CUX1: variants seen among roughly 807,000 people sequenced by gnomAD.
CUX1 encodes the protein protein CASP.
In CUX1, 31 loss-of-function variants were observed where a neutral mutation model predicts 158.8. The ratio of observed to expected loss-of-function variants is 0.20; its 90% CI spans 0.15 to 0.26. CUX1 has a LOEUF of 0.26. CUX1 is among the 10% of genes least tolerant of loss of function. The probability of loss-of-function intolerance (pLI) is 1.00; values close to 1 mark genes in which losing one functional copy is unlikely to be tolerated. For synonymous variants in CUX1, 879 were observed against 862.1 expected (o/e 1.02, Z -0.34); for missense variants, 1,589 against 2,014.6 (o/e 0.79, Z 4.04).
intron 22 of CUX1, among the ~76,000 whole-genome samples, chr7:102,237,574 G>A (rs868963978): frequency 1.3e-5 from 2 of 152,266 alleles, no homozygotes; most frequent in African/African-American, 2.4e-5. Context: ...GAGCCACCAC[G>A]CCCGGCGATG....
intron 2 of CUX1, among the ~76,000 whole-genome samples, chr7:101,969,709 A>G (rs1161692002): frequency 6.6e-6 from 1 of 152,158 alleles, no homozygotes; most frequent in Non-Finnish European, 1.5e-5. Context: ...GATCAAAGAA[A>G]CCCAAACTCC....
intron 8 of CUX1, among the ~76,000 whole-genome samples, chr7:102,135,425 G>A (rs1253570520): frequency 6.6e-6 from 1 of 152,044 alleles, no homozygotes; most frequent in Non-Finnish European, 1.5e-5. Flanking sequence ...TGGTCTCGCT[G>A]TCTCGGGTGA....
At chr7:102,022,239 G>T (rs1251459944) in intron 2 of CUX1, among the ~76,000 whole-genome samples, 1 of 152,180 alleles carries the variant, frequency 6.6e-6, no homozygotes, top group African/African-American at 2.4e-5. Context: ...CCAGCAATTG[G>T]CATTACCTAG....
At chr7:102,227,156 G>T (rs1051302864) in intron 20 of CUX1, among the ~76,000 whole-genome samples, 1 of 151,796 alleles carries the variant, frequency 6.6e-6, no homozygotes, top group East Asian at 1.9e-4. Context: ...AGTTTTTCTC[G>T]CAATGATGTT....
In CUX1 at chr7:102,202,146, G is replaced by A. The variant is rs782184409; in HGVS notation, c.2849G>A (p.Arg950Gln). 8.1e-6 allele frequency: 13 copies of A among 1,613,320 alleles called. No individual in the cohort carries two copies. The highest frequency in any genetic ancestry group is 2.7e-5 in the African/African-American group (2 of 74,900). Residue 950 changes from arginine to glutamine, a missense_variant, in exon 18 of 24, where the codon CGG becomes CAG. Physicochemically the swap from Arg to Gln is conservative, Grantham distance 43 (BLOSUM62 1). Around this residue, in one of 8 missense-constraint regions of CUX1, gnomAD observed 29 missense variants for 66.6 expected, o/e 0.44. Coordinates refer to ENST00000292535, the MANE Select transcript of CUX1 (RefSeq NM_181552.4). ...GAGGTGGACACCATCGAGCTCACCC[G>A]GCAGGTTAAGGAAAAGCTGGCCAAG... ...YQEVDTIELT[R>Q]QVKEKLAKNG...
At chr7:102,098,077 G>T (rs2130914598) in intron 5 of CUX1, among the ~76,000 whole-genome samples, 2 of 152,334 alleles carry the variant, frequency 1.3e-5, no homozygotes, top group East Asian at 3.9e-4. Flanking sequence ...AAGAACAAAG[G>T]AATCTCTCCT....
intron 2 of CUX1, among the ~76,000 whole-genome samples, chr7:101,966,849 C>T (rs1811283202): frequency 6.6e-6 from 1 of 152,030 alleles, no homozygotes; most frequent in Non-Finnish European, 1.5e-5. Context: ...GCGGACCTGC[C>T]AGGGAAGCTC....
At chr7:102,213,904 G>C (rs1254067591) in intron 20 of CUX1, among the ~76,000 whole-genome samples, 1 of 151,960 alleles carries the variant, frequency 6.6e-6, no homozygotes, top group Non-Finnish European at 1.5e-5. Flanking sequence ...AGGCCAAGGC[G>C]GGTGGATCAC....
chr7:101,911,783 G>A (rs578026636), intron 1 of CUX1, among the ~76,000 whole-genome samples: 8 of 152,360 alleles, frequency 5.3e-5, no homozygotes, highest in Non-Finnish European at 8.8e-5. Context: ...AATAGTTGCC[G>A]TCCAGCGAGT....
intron 3 of CUX1, among the ~76,000 whole-genome samples, chr7:102,055,430 A>G (rs574073855): frequency 5.3e-4 from 81 of 152,258 alleles, no homozygotes; most frequent in African/African-American, 1.9e-3. Flanking sequence ...TCTTTGTCAC[A>G]CTTTGGTAAT....
At chr7:101,905,705 G>A (rs1347569545) in intron 1 of CUX1, among the ~76,000 whole-genome samples, 1 of 152,124 alleles carries the variant, frequency 6.6e-6, no homozygotes, top group Non-Finnish European at 1.5e-5. Context: ...TGTTCATTCG[G>A]CCCTAATCTC....
chr7:101,816,999 C>T, upstream of CUX1: 2 of 984,394 alleles, frequency 2.0e-6, no homozygotes, highest in East Asian at 1.2e-4. Context: ...TTTTGTGTGC[C>T]TGTGTCGGTG....
chr7:101,828,958 T>G, intron 1 of CUX1, among the ~76,000 whole-genome samples: 1 of 150,252 alleles, frequency 6.7e-6, no homozygotes, highest in Admixed American at 6.6e-5. Flanking sequence ...ATATGGAGGT[T>G]TTGGGGGGCT....
At chr7:101,824,686 C>T (rs898050710) in intron 1 of CUX1, 2 of 152,164 alleles carry the variant, frequency 1.3e-5, no homozygotes, top group African/African-American at 2.4e-5. Context: ...CACTTCTCGC[C>T]CTTCTCCTGC....
exon 23 of CUX1, chr7:102,283,301 A>T (rs2734615): frequency 1.8e-6 from 1 of 560,646 alleles, no homozygotes; most frequent in African/African-American, 1.9e-5. Context: ...GCGAGCCCCC[A>T]ATGCCCGGCC....
At chr7:102,110,468 T>A (rs1474760251) in intron 6 of CUX1, among the ~76,000 whole-genome samples, 2 of 152,248 alleles carry the variant, frequency 1.3e-5, no homozygotes, top group Non-Finnish European at 2.9e-5. Flanking sequence ...ACGTGTTAGT[T>A]CATGTTACGC....
chr7:102,279,319 C>T (rs1156250058), intron 18 of CUX1, among the ~76,000 whole-genome samples: 2 of 152,024 alleles, frequency 1.3e-5, no homozygotes, highest in African/African-American at 4.8e-5. Flanking sequence ...CCAGCCTGGG[C>T]GACAGAGCGA....
intron 23 of CUX1, among the ~76,000 whole-genome samples, chr7:102,244,555 C>T (rs550980562): frequency 1.2e-4 from 18 of 152,022 alleles, no homozygotes; most frequent in Non-Finnish European, 1.8e-4. Flanking sequence ...AACAGGCGGG[C>T]GTGGTGGTGC....
chr7:101,878,289 C>G (rs181066018), intron 1 of CUX1, among the ~76,000 whole-genome samples: 1 of 152,314 alleles, frequency 6.6e-6, no homozygotes, highest in Admixed American at 6.5e-5. Flanking sequence ...AACGCCACTT[C>G]CTTGTAGGAA....
Sources: gnomAD v4.1 joint callset for allele counts (sites outside exome capture counted in the v4.1 genomes callset) on GRCh38, gnomAD v4.1.1 for gene constraint, gnomAD v4.1.1 regional missense constraint, MANE v1.5 for transcripts, NCBI Gene and HGNC (gene_info 2026-07-23, HGNC 2026-07-21) for gene names.